Variants in EXOC4 observed in about 807,000 individuals in gnomAD.
EXOC4 encodes exocyst complex component 4, also known as SEC8-like 1.
In EXOC4, 71 loss-of-function variants were observed where a neutral mutation model predicts 107.2. The ratio of observed to expected loss-of-function variants is 0.66; its 90% CI spans 0.55 to 0.81. The LOEUF is 0.81. Among genes scored for constraint, EXOC4 ranks in the 30% least tolerant of loss-of-function variants. EXOC4 has a pLI of 0.00. For missense variants in EXOC4, 1,108 were observed against 1,189.6 expected (o/e 0.93, Z 1.01); for synonymous variants, 456 against 441.2 (o/e 1.03, Z -0.42).
chr7:133,759,095 C>G (rs1299332656), intron 10 of EXOC4, among the ~76,000 whole-genome samples: 1 of 152,020 alleles, frequency 6.6e-6, no homozygotes, highest in African/African-American at 2.4e-5. Flanking sequence ...CCTACGGGCA[C>G]ACCTCCTAGC....
At chr7:133,902,407 A>C (rs951606924) in intron 12 of EXOC4, among the ~76,000 whole-genome samples, 5 of 152,212 alleles carry the variant, frequency 3.3e-5, no homozygotes, top group Non-Finnish European at 5.9e-5. Flanking sequence ...CTAGAATTCC[A>C]TTTATTCAAC....
intron 17 of EXOC4, among the ~76,000 whole-genome samples, chr7:134,025,161 T>C (rs1795112505): frequency 6.6e-6 from 1 of 152,202 alleles, no homozygotes; most frequent in African/African-American, 2.4e-5. Context: ...TTATGTAAAA[T>C]CTAGTAATAA....
intron 10 of EXOC4, among the ~76,000 whole-genome samples, chr7:133,745,456 T>C (rs570287231): frequency 1.3e-5 from 2 of 152,224 alleles, no homozygotes; most frequent in Admixed American, 6.5e-5. Context: ...ATGACTAACA[T>C]ATAGGAAGTA....
chr7:133,803,613 G>T (rs1811273), intron 10 of EXOC4, among the ~76,000 whole-genome samples: 1 of 152,190 alleles, frequency 6.6e-6, no homozygotes, highest in South Asian at 2.1e-4. Flanking sequence ...GATGCATATT[G>T]TATCATTTTA....
At chr7:134,066,611 T>G (rs1316844654), downstream of EXOC4, 1 of 152,168 alleles carries the variant, frequency 6.6e-6, no homozygotes, top group Non-Finnish European at 1.5e-5. Flanking sequence ...GAACAGCCAG[T>G]GACACACTCA....
At chr7:133,644,880 C>T (rs182461777) in intron 10 of EXOC4, among the ~76,000 whole-genome samples, 6 of 152,100 alleles carry the variant, frequency 3.9e-5, no homozygotes, top group African/African-American at 1.4e-4. Context: ...CTCTTTTAAG[C>T]ATCATTTCCT....
chr7:133,969,555 C>G (rs1563075056), intron 14 of EXOC4, among the ~76,000 whole-genome samples: 1 of 152,122 alleles, frequency 6.6e-6, no homozygotes, highest in African/African-American at 2.4e-5. Context: ...GATGTTGATG[C>G]TATTCTTTTC....
chr7:133,341,838 A>G (rs1458730733), intron 5 of EXOC4, among the ~76,000 whole-genome samples: 2 of 152,150 alleles, frequency 1.3e-5, no homozygotes, highest in Non-Finnish European at 2.9e-5. Flanking sequence ...TTTGTCTGAT[A>G]TAGAAATAGC....
At chr7:133,303,867 A>G (rs1161160217) in intron 3 of EXOC4, among the ~76,000 whole-genome samples, 1 of 152,226 alleles carries the variant, frequency 6.6e-6, no homozygotes, top group Non-Finnish European at 1.5e-5. Context: ...ATACTCTCTG[A>G]GGTTTCTTTA....
At chr7:133,309,642 T>C (rs1794827017) in intron 4 of EXOC4, among the ~76,000 whole-genome samples, 1 of 152,084 alleles carries the variant, frequency 6.6e-6, no homozygotes, top group South Asian at 2.1e-4. Flanking sequence ...TAAAAACCAT[T>C]GTGGAAAAAA....
At chr7:134,060,367 C>T (rs1242427468) in intron 17 of EXOC4, among the ~76,000 whole-genome samples, 1 of 152,208 alleles carries the variant, frequency 6.6e-6, no homozygotes, top group East Asian at 1.9e-4. Context: ...CAATTGACTG[C>T]TGAATATTGT....
Position 134,031,472 on chromosome 7 carries a change from G to A in EXOC4, c.2687+23637G>A, listed in dbSNP as rs182332909. 4.0e-3 allele frequency among the ~76,000 whole-genome samples: 607 copies of A among 152,222 alleles called. 5 individuals carry two copies. Among genetic ancestry groups the A allele is most frequent in the African/African-American group, 0.014 (575 of 41,538 alleles). ...GCCTGGAAGTAAGGAAATGGTTTTG[G>A]TAGTCTTGGTGATTTTAGTGTCATT... On this transcript the variant is annotated intron_variant, in intron 17 of 17. Coordinates refer to ENST00000253861, the MANE Select transcript of EXOC4 (RefSeq NM_021807.4).
chr7:133,568,777 G>T (rs968890184), intron 9 of EXOC4, among the ~76,000 whole-genome samples: 3 of 152,138 alleles, frequency 2.0e-5, no homozygotes, highest in African/African-American at 7.2e-5. Context: ...TCCTTTCTTT[G>T]TATGGGAAAG....
chr7:133,304,271 A>T (rs1307270670), intron 3 of EXOC4, among the ~76,000 whole-genome samples: 1 of 152,212 alleles, frequency 6.6e-6, no homozygotes, highest in Non-Finnish European at 1.5e-5. Flanking sequence ...ATTTTAGGGC[A>T]TAAGTATAAA....
intron 10 of EXOC4, among the ~76,000 whole-genome samples, chr7:133,731,611 A>G (rs959537395): frequency 6.6e-6 from 1 of 152,174 alleles, no homozygotes; most frequent in Non-Finnish European, 1.5e-5. Context: ...AGTAGCATGG[A>G]ATTTGGCATG....
At chr7:133,373,922 T>C (rs1796431090) in intron 6 of EXOC4, among the ~76,000 whole-genome samples, 1 of 152,170 alleles carries the variant, frequency 6.6e-6, no homozygotes, top group Admixed American at 6.5e-5. Flanking sequence ...TGACTGACAT[T>C]TATTGAGCAG....
chr7:133,984,259 C>G (rs1009517549), intron 14 of EXOC4, among the ~76,000 whole-genome samples: 27 of 152,188 alleles, frequency 1.8e-4, no homozygotes, highest in African/African-American at 6.5e-4. Flanking sequence ...CGACTGGCCT[C>G]TTATCCTGTG....
At chr7:133,762,229 T>G (rs934633338) in intron 10 of EXOC4, among the ~76,000 whole-genome samples, 4 of 152,150 alleles carry the variant, frequency 2.6e-5, no homozygotes, top group African/African-American at 9.7e-5. Context: ...GGCTAAGCTA[T>G]TAGGTTTGAA....
intron 6 of EXOC4, among the ~76,000 whole-genome samples, chr7:133,369,049 A>T (rs1282253174): frequency 6.6e-6 from 1 of 152,210 alleles, no homozygotes; most frequent in Non-Finnish European, 1.5e-5. Flanking sequence ...TGGGCAGGGA[A>T]TGATTTCACT....
Sources: allele counts gnomAD v4.1 joint callset (sites outside exome capture counted in the v4.1 genomes callset), GRCh38; gene constraint gnomAD v4.1.1; transcripts MANE v1.5; gene names NCBI Gene and HGNC (gene_info 2026-07-23, HGNC 2026-07-21).